The following SLC7A2 variants were observed in gnomAD, a reference collection of about 807,000 sequenced individuals.
SLC7A2 encodes cationic amino acid transporter 2.
SLC7A2 carries 48 observed loss-of-function variants against 58.9 expected under a neutral mutation model. The ratio of observed to expected loss-of-function variants is 0.82; its 90% confidence interval spans 0.65 to 1.04. The LOEUF (loss-of-function observed/expected upper bound fraction) is 1.04, where lower values mean the gene tolerates loss of function less well. SLC7A2 is among the 50% of genes least tolerant of loss of function. The pLI, the probability that SLC7A2 is intolerant of heterozygous loss-of-function variation, is 0.00. For missense variants in SLC7A2, 1,029 were observed against 818.8 expected, an observed-to-expected ratio of 1.26 and a Z score of -3.13; for synonymous variants, 363 against 314.5, an observed-to-expected ratio of 1.15 and a Z score of -1.63.
chr8:17,503,139 C>T (rs183811103), intron 2 of SLC7A2, among the ~76,000 whole-genome samples: 1,826 of 152,122 alleles, frequency 0.012, 30 homozygotes, highest in African/African-American at 0.042. Flanking sequence ...CAAGCTCCGC[C>T]TCCCGGGTTC....
rs1030275664 is a variant in SLC7A2, at chr8:17,550,441, G to A, written c.832+7G>A. ...GACTGCATTGCAACAACTGGTAAGA[G>A]CAGTGTCTTGGCTCAGTGTAGAAGG... is the stretch of plus-strand genomic sequence containing the variant. On this transcript the variant is annotated splice_region_variant and intron_variant, in intron 6 of 12. Transcript: ENST00000494857. The A allele has an allele frequency of 6.8e-6, 11 of 1,612,160 alleles. No individual in the cohort carries two copies. The African/African-American group carries it at 9.3e-5, about 14-fold the overall frequency.
At position 17,543,567 on chromosome 8, in the gene SLC7A2, C is replaced by G. The variant is rs376207004; in HGVS notation, c.228C>G (p.Ala76=). 5 of 1,611,422 alleles carry G rather than the reference C, an allele frequency of 3.1e-6. No individual in the cohort carries two copies. In the African/African-American group the frequency reaches 6.7e-5, roughly 22 times the overall value. The change falls in exon 3 of 13, where the codon GCC becomes GCG. Residue 76 remains alanine, a synonymous_variant. Coordinates refer to ENST00000494857, the MANE Select transcript of SLC7A2 (RefSeq NM_001370338.1). ...PSIVVSFLIA[A]LASVMAGLCY... Reference sequence around the variant, plus strand: ...TCGTGGTGTCCTTCCTCATTGCTGCCCTGGCTTCAGTGATGGCTGGCCTCT... The same window carrying G: ...TCGTGGTGTCCTTCCTCATTGCTGCGCTGGCTTCAGTGATGGCTGGCCTCT...
At chr8:17,561,298 C>T (rs1436858435) in intron 10 of SLC7A2, among the ~76,000 whole-genome samples, 4 of 152,092 alleles carry the variant, frequency 2.6e-5, no homozygotes, top group East Asian at 1.9e-4. Flanking sequence ...TTAGGGAGGC[C>T]TCACAGTCAT....
chr8:17,533,780 G>A (rs534873323), intron 2 of SLC7A2, among the ~76,000 whole-genome samples: 24 of 152,326 alleles, frequency 1.6e-4, no homozygotes, highest in African/African-American at 5.8e-4. Context: ...TAAAGTTCCA[G>A]AATACATGTG....
At chr8:17,523,314 G>C (rs2588219) in intron 2 of SLC7A2, among the ~76,000 whole-genome samples, 73,006 of 151,500 alleles carry the variant, frequency 0.48, 18,536 homozygotes, top group Middle Eastern at 0.59. Context: ...TAAAGCAAGA[G>C]TAAGCAAAAA....
At chr8:17,559,583 A>C (rs1454259876) in intron 9 of SLC7A2, among the ~76,000 whole-genome samples, 1 of 152,148 alleles carries the variant, frequency 6.6e-6, no homozygotes, top group Non-Finnish European at 1.5e-5. Context: ...AAACATAACA[A>C]AACGAAAGAA....
intron 7 of SLC7A2, among the ~76,000 whole-genome samples, chr8:17,552,553 TCA>T (rs1468065402): frequency 2.0e-5 from 3 of 146,564 alleles, no homozygotes; most frequent in South Asian, 2.3e-4. Context: ...ATAGAAATTA[TCA>T]TTCTTAAATA....
intron 4 of SLC7A2, among the ~76,000 whole-genome samples, 196 bp downstream of exon 4, chr8:17,544,802 G>A (rs1166544603): frequency 6.6e-6 from 1 of 152,110 alleles, no homozygotes; most frequent in Non-Finnish European, 1.5e-5. Context: ...TGTGTGCAAT[G>A]GTAAAAATAG....
Position 17,543,334 on chromosome 8 carries a change from G to A in SLC7A2, c.-6G>A, listed in dbSNP as rs367615909. 2.2e-5 allele frequency: 36 copies of A among 1,608,058 alleles called. No individual in the cohort carries two copies. The East Asian group carries it at 3.6e-4, about 16-fold the overall frequency. On this transcript the variant is annotated 5_prime_UTR_variant, in exon 3 of 13. Coordinates refer to ENST00000494857, the MANE Select transcript of SLC7A2 (RefSeq NM_001370338.1). Reference sequence around the variant, plus strand: ...TCTGCTCAGGTCGCCTTCGTCAGACGTCAGAATGATTCCTTGCAGAGCCGC... The same window carrying A: ...TCTGCTCAGGTCGCCTTCGTCAGACATCAGAATGATTCCTTGCAGAGCCGC...
intron 2 of SLC7A2, among the ~76,000 whole-genome samples, chr8:17,539,319 T>C (rs1457525226): frequency 6.6e-6 from 1 of 152,122 alleles, no homozygotes; most frequent in African/African-American, 2.4e-5. Context: ...TATACTTAAG[T>C]TTGGGGCACA....
chr8:17,550,263 T>C, intron 5 of SLC7A2, 38 bp from the exon 6 acceptor site: 1 of 1,602,462 alleles, frequency 6.2e-7, no homozygotes, highest in Non-Finnish European at 8.5e-7. Context: ...GAGTTTTCTG[T>C]CAAAGTGACT....
chr8:17,510,011 G>A (rs1800536928), intron 2 of SLC7A2, among the ~76,000 whole-genome samples: 1 of 152,074 alleles, frequency 6.6e-6, no homozygotes, highest in South Asian at 2.1e-4. Flanking sequence ...CTTGAGATCA[G>A]GAGTTTGAGA....
intron 6 of SLC7A2, 44 bp downstream of exon 6, chr8:17,550,478 T>C (rs773305817): frequency 1.3e-6 from 2 of 1,586,728 alleles, no homozygotes; most frequent in South Asian, 1.1e-5. Context: ...GTGTTCCTTG[T>C]TGTGCACGAG....
chr8:17,495,430 G>C (rs1469851823), upstream of SLC7A2, among the ~76,000 whole-genome samples: 2 of 152,246 alleles, frequency 1.3e-5, no homozygotes, highest in South Asian at 2.1e-4. Flanking sequence ...ATTTGCATAA[G>C]GAATCTTTTT....
chr8:17,559,436 G>C (rs147776719), intron 9 of SLC7A2, among the ~76,000 whole-genome samples: 1 of 152,088 alleles, frequency 6.6e-6, no homozygotes, highest in African/African-American at 2.4e-5. Flanking sequence ...CATGGTGGTG[G>C]GCACCTGTTG....
At chr8:17,514,162 C>G (rs929300865) in intron 2 of SLC7A2, among the ~76,000 whole-genome samples, 2 of 152,022 alleles carry the variant, frequency 1.3e-5, no homozygotes, top group African/African-American at 2.4e-5. Flanking sequence ...AATTTCATCC[C>G]AATTCCCTGG....
At chr8:17,559,996 T>A (rs936545785) in intron 9 of SLC7A2, among the ~76,000 whole-genome samples, 1 of 152,236 alleles carries the variant, frequency 6.6e-6, no homozygotes, top group Non-Finnish European at 1.5e-5. Context: ...TGTGCTGTTT[T>A]CATGAACCGC....
chr8:17,560,253 A>G (rs1585268609), intron 9 of SLC7A2, 75 bp from the exon 10 acceptor site: 4 of 1,062,528 alleles, frequency 3.8e-6, no homozygotes, highest in Middle Eastern at 4.0e-4. Context: ...GTCTTACTTA[A>G]GGTTTTAGGT....
Position 17,552,001 on chromosome 8 carries a change from C to G in SLC7A2, c.1055+15C>G. The G allele has an allele frequency of 6.2e-7, 1 of 1,609,840 alleles. No homozygotes were observed. The highest frequency in any genetic ancestry group is 8.5e-7 in the Non-Finnish European group (1 of 1,176,216). On this transcript the variant is annotated intron_variant, in intron 7 of 12. Coordinates refer to ENST00000494857, the MANE Select transcript of SLC7A2 (RefSeq NM_001370338.1). The stretch of plus-strand genomic sequence containing the variant: ...TTGTCAACAAGGTACATTGCATCGC[C>G]TTTGGGGCACGGGCTGTTTGGGACT...
Sources: gnomAD v4.1 joint callset for allele counts (sites outside exome capture counted in the v4.1 genomes callset) on GRCh38, gnomAD v4.1.1 for gene constraint, MANE v1.5 for transcripts, NCBI Gene and HGNC (gene_info 2026-07-23, HGNC 2026-07-21) for gene names.